The following CCDC73 variants were observed in gnomAD, a reference collection of about 807,000 sequenced individuals.
CCDC73 encodes coiled-coil domain-containing protein 73.
In CCDC73, 95 loss-of-function variants were observed where a neutral mutation model predicts 116.5. The ratio of observed to expected loss-of-function variants is 0.82; its 90% CI spans 0.69 to 0.97. CCDC73 has a LOEUF of 0.97. CCDC73 is among the 50% of genes least tolerant of loss of function. The pLI, the probability that CCDC73 is intolerant of heterozygous loss-of-function variation, is 0.00. For synonymous variants in CCDC73, 398 were observed against 401.3 expected (o/e 0.99, Z 0.10); for missense variants, 1,066 against 1,206.8 (o/e 0.88, Z 1.73).
intron 1 of CCDC73, among the ~76,000 whole-genome samples, chr11:32,786,469 T>C (rs901390767): frequency 7.7e-5 from 11 of 142,278 alleles, no homozygotes; most frequent in African/African-American, 2.8e-4. Flanking sequence ...TTATAATATA[T>C]AATAAATATA....
chr11:32,615,579 T>G (rs1269259746), intron 15 of CCDC73, among the ~76,000 whole-genome samples: 2 of 152,168 alleles, frequency 1.3e-5, no homozygotes, highest in African/African-American at 4.8e-5. Flanking sequence ...TTGAAGGACT[T>G]TTTAGAAGTC....
chr11:32,659,627 A>G (rs1855904011), intron 9 of CCDC73, among the ~76,000 whole-genome samples: 1 of 152,202 alleles, frequency 6.6e-6, no homozygotes, highest in African/African-American at 2.4e-5. Context: ...TACAAAACAC[A>G]GTATTTGGTA....
At chr11:32,662,783 A>G (rs1855943019) in intron 9 of CCDC73, among the ~76,000 whole-genome samples, 1 of 152,088 alleles carries the variant, frequency 6.6e-6, no homozygotes, top group African/African-American at 2.4e-5. Flanking sequence ...CCTGAATGGT[A>G]TTGCCTAGGT....
At chr11:32,737,562 G>A (rs2133353062) in intron 2 of CCDC73, among the ~76,000 whole-genome samples, 1 of 150,598 alleles carries the variant, frequency 6.6e-6, no homozygotes, top group South Asian at 2.1e-4. Flanking sequence ...AGGTTGCCTG[G>A]AGCCAAGATC....
At chr11:32,803,946 A>T in the CCDC73 span, among the ~76,000 whole-genome samples, 1 of 152,016 alleles carries the variant, frequency 6.6e-6, no homozygotes, top group African/African-American at 2.4e-5. Flanking sequence ...AGCTGAGACT[A>T]CAGGTGTATG....
intron 2 of CCDC73, among the ~76,000 whole-genome samples, chr11:32,746,105 T>C (rs1850236366): frequency 6.6e-6 from 1 of 152,236 alleles, no homozygotes; most frequent in Admixed American, 6.5e-5. Context: ...TCAGGAGCTC[T>C]TGTAAGGCAG....
At chr11:32,749,108 T>C (rs1850264654) in intron 2 of CCDC73, among the ~76,000 whole-genome samples, 1 of 152,182 alleles carries the variant, frequency 6.6e-6, no homozygotes, top group Non-Finnish European at 1.5e-5. Context: ...AGTTCTCTGT[T>C]ATTATCCCAT....
At chr11:32,669,600 C>A (rs956118441) in intron 9 of CCDC73, among the ~76,000 whole-genome samples, 2 of 151,952 alleles carry the variant, frequency 1.3e-5, no homozygotes, top group Admixed American at 1.3e-4. Context: ...CATCTTCCCC[C>A]CACCCCGCCC....
intron 2 of CCDC73, among the ~76,000 whole-genome samples, chr11:32,731,605 C>G (rs184510577): frequency 6.6e-6 from 1 of 152,158 alleles, no homozygotes; most frequent in African/African-American, 2.4e-5. Context: ...TGCTATTCTG[C>G]AATATTTGCA....
At chr11:32,652,469 A>C (rs953168423) in intron 12 of CCDC73, among the ~76,000 whole-genome samples, 2 of 152,182 alleles carry the variant, frequency 1.3e-5, no homozygotes, top group Non-Finnish European at 2.9e-5. Flanking sequence ...AGGGAACAAA[A>C]GGCAGTCTCC....
At chr11:32,603,852 A>T (rs930435890) in intron 17 of CCDC73, 2 of 152,244 alleles carry the variant, frequency 1.3e-5, no homozygotes, top group Non-Finnish European at 2.9e-5. Flanking sequence ...AGGCGAGTGG[A>T]TTGCATGAGC....
At chr11:32,663,323 G>A (rs1855948642) in intron 9 of CCDC73, among the ~76,000 whole-genome samples, 2 of 152,196 alleles carry the variant, frequency 1.3e-5, no homozygotes, top group African/African-American at 2.4e-5. Flanking sequence ...AGCATGGAAT[G>A]TTGTTCCATT....
At chr11:32,603,079 C>T in intron 17 of CCDC73, 59 bp from the exon 18 acceptor site, 2 of 1,370,338 alleles carry the variant, frequency 1.5e-6, no homozygotes, top group Admixed American at 2.2e-5. Flanking sequence ...TTTAAAGAGT[C>T]TGTAAAGCCT....
the CCDC73 span, among the ~76,000 whole-genome samples, chr11:32,806,934 A>G: frequency 5.9e-5 from 9 of 152,168 alleles, no homozygotes; most frequent in African/African-American, 2.2e-4. Flanking sequence ...CGAATGCAGA[A>G]ATGAAAACTT....
At chr11:32,684,452 T>G (rs1392838095) in intron 6 of CCDC73, among the ~76,000 whole-genome samples, 1 of 152,218 alleles carries the variant, frequency 6.6e-6, no homozygotes, top group African/African-American at 2.4e-5. Context: ...TAATATATAA[T>G]AAACACTTTT....
chr11:32,654,149 ACC>A (rs1855850962), intron 10 of CCDC73, 112 bp from the exon 11 acceptor site: 1 of 930,862 alleles, frequency 1.1e-6, no homozygotes, highest in African/African-American at 1.7e-5. Context: ...CCCCCAGAGT[ACC>A]CACATTTGTT....
At chr11:32,740,444 T>G (rs974955818) in intron 2 of CCDC73, among the ~76,000 whole-genome samples, 1 of 152,036 alleles carries the variant, frequency 6.6e-6, no homozygotes, top group African/African-American at 2.4e-5. Context: ...GTCTAGAAAT[T>G]TATCCATTTC....
chr11:32,776,330 C>T (rs925681068), intron 1 of CCDC73, among the ~76,000 whole-genome samples: 13 of 152,102 alleles, frequency 8.5e-5, no homozygotes, highest in African/African-American at 3.1e-4. Flanking sequence ...CAAAACATCA[C>T]CTAAACCTCA....
At chr11:32,775,642 A>C (rs903267276) in intron 1 of CCDC73, among the ~76,000 whole-genome samples, 3 of 152,124 alleles carry the variant, frequency 2.0e-5, no homozygotes, top group African/African-American at 7.2e-5. Flanking sequence ...ATATTAAATA[A>C]ATTTATCTCA....
Sources: allele counts gnomAD v4.1 joint callset (sites outside exome capture counted in the v4.1 genomes callset), GRCh38; gene constraint gnomAD v4.1.1; transcripts MANE v1.5; gene names NCBI Gene and HGNC (gene_info 2026-07-23, HGNC 2026-07-21).